The following MGMT variants were observed in gnomAD, a reference collection of about 807,000 sequenced individuals.
MGMT encodes methylated-DNA--protein-cysteine methyltransferase.
In MGMT, 14 loss-of-function variants were observed where a neutral mutation model predicts 15.9. That is an observed-to-expected ratio of 0.88 (90% CI 0.58 to 1.37). The LOEUF is 1.37. MGMT is among the 40% of genes most tolerant of loss of function. The pLI, the probability that MGMT is intolerant of heterozygous loss-of-function variation, is 0.00. For missense variants in MGMT, 282 were observed against 268.1 expected (o/e 1.05, Z -0.36); for synonymous variants, 130 against 118.2 (o/e 1.10, Z -0.65).
intron 3 of MGMT, among the ~76,000 whole-genome samples, chr10:129,728,180 G>A (rs1848454875): frequency 6.6e-6 from 1 of 152,214 alleles, no homozygotes. Context: ...TGAAGCAGCT[G>A]TGACCGTGGA....
At chr10:129,605,471 A>C (rs951153058) in intron 2 of MGMT, among the ~76,000 whole-genome samples, 2 of 152,130 alleles carry the variant, frequency 1.3e-5, no homozygotes, top group African/African-American at 2.4e-5. Flanking sequence ...GAGTTCACTT[A>C]TTCATATTGT....
intron 2 of MGMT, among the ~76,000 whole-genome samples, chr10:129,620,872 T>G (rs577426145): frequency 1.3e-5 from 2 of 152,372 alleles, no homozygotes; most frequent in East Asian, 3.9e-4. Context: ...ATTCCTGTTT[T>G]CCTAATTCCC....
chr10:129,615,056 G>A (rs1191275324), intron 2 of MGMT, among the ~76,000 whole-genome samples: 1 of 152,010 alleles, frequency 6.6e-6, no homozygotes, highest in Admixed American at 6.5e-5. Flanking sequence ...ATTTTGAGGG[G>A]TGGGGAGGTG....
At chr10:129,534,087 G>T (rs1845960620) in intron 1 of MGMT, among the ~76,000 whole-genome samples, 1 of 152,198 alleles carries the variant, frequency 6.6e-6, no homozygotes, top group Admixed American at 6.5e-5. Context: ...CCGACGTTGT[G>T]ATTTGGTCTG....
At chr10:129,508,551 TTTA>T (rs1256419243) in intron 1 of MGMT, among the ~76,000 whole-genome samples, 1 of 148,368 alleles carries the variant, frequency 6.7e-6, no homozygotes, top group African/African-American at 2.6e-5. Flanking sequence ...TGTTTGTTTT[TTTA>T]TTTCTTTTGA....
intron 3 of MGMT, among the ~76,000 whole-genome samples, chr10:129,758,710 G>A (rs1449413134): frequency 6.6e-6 from 1 of 152,208 alleles, no homozygotes; most frequent in East Asian, 1.9e-4. Flanking sequence ...CAGTAGCTGG[G>A]GGAATCCTGC....
In MGMT at chr10:129,756,695, C is replaced by A. The variant is rs188301435; in HGVS notation, c.275-2507C>A. 2.5e-3 allele frequency among the ~76,000 whole-genome samples: 377 copies of A among 152,272 alleles called. 8 individuals are homozygous for A. The East Asian group carries it at 0.06, about 24-fold the overall frequency. ...ATATTGGCTAGGATGGTCTTGAACT[C>A]CTGACCTCGTGATCCGCCCGCCTCG... On this transcript the variant is annotated intron_variant, in intron 3 of 4. Coordinates refer to ENST00000651593, the MANE Select transcript of MGMT (RefSeq NM_002412.5).
intron 2 of MGMT, among the ~76,000 whole-genome samples, chr10:129,664,981 C>CG (rs1405449878): frequency 1.2e-4 from 18 of 152,164 alleles, no homozygotes; most frequent in African/African-American, 2.9e-4. Flanking sequence ...GAGTCCATTG[C>CG]GGGGGAAAAT....
intron 2 of MGMT, among the ~76,000 whole-genome samples, chr10:129,639,190 A>G (rs1337951074): frequency 3.3e-5 from 5 of 152,164 alleles, no homozygotes; most frequent in Non-Finnish European, 7.4e-5. Context: ...TTGTTTGTTT[A>G]AGAGAAAAAA....
At chr10:129,486,162 G>A (rs1418613731) in intron 1 of MGMT, among the ~76,000 whole-genome samples, 1 of 144,624 alleles carries the variant, frequency 6.9e-6, no homozygotes. Context: ...GTTCTTCTCT[G>A]TTCTCTTCTC....
At position 129,770,512 on chromosome 10, in the gene MGMT, G is replaced by A. The variant is rs1263869098; in HGVS notation, c.*3515G>A. ...CATCTGCCGCTTGCTCACCTTGGCT[G>A]TCCATGCACCCGTAGCTGTGACCAT... is the stretch of plus-strand genomic sequence containing the variant. On this transcript the variant is annotated 3_prime_UTR_variant, in exon 5 of 5. Transcript: ENST00000651593. Among the ~76,000 whole-genome samples the A allele has an allele frequency of 6.6e-6, 1 of 152,240 alleles. No homozygotes were observed. Among genetic ancestry groups the A allele is most frequent in the African/African-American group, 2.4e-5 (1 of 41,466 alleles).
rs190363365 is a variant in MGMT at position 129,545,763 on chromosome 10, A to C, written c.125+9386A>C. The stretch of plus-strand genomic sequence containing the variant: ...ATATCTGTAAGATTTTCTGATATTT[A>C]AACTGGCTGCAACTAATGAATAGTT... On this transcript the variant is annotated intron_variant, in intron 2 of 4. Coordinates refer to ENST00000651593, the MANE Select transcript of MGMT (RefSeq NM_002412.5). Among the ~76,000 whole-genome samples the C allele has an allele frequency of 4.1e-3, 626 of 152,322 alleles. 6 individuals carry two copies. Among genetic ancestry groups the C allele is most frequent in the African/African-American group, 0.015 (607 of 41,576 alleles).
At chr10:129,698,631 A>G (rs1402830983) in intron 2 of MGMT, among the ~76,000 whole-genome samples, 1 of 152,220 alleles carries the variant, frequency 6.6e-6, no homozygotes, top group Admixed American at 6.5e-5. Flanking sequence ...CAACACAGAC[A>G]TAAGGCTATT....
chr10:129,619,138 T>G (rs1383519310), intron 2 of MGMT, among the ~76,000 whole-genome samples: 2 of 152,184 alleles, frequency 1.3e-5, no homozygotes, highest in African/African-American at 4.8e-5. Flanking sequence ...GAAGTTCTAT[T>G]CTTGTAGGCT....
chr10:129,630,791 A>C (rs954229892), intron 2 of MGMT, among the ~76,000 whole-genome samples: 2 of 152,260 alleles, frequency 1.3e-5, no homozygotes, highest in Admixed American at 6.5e-5. Flanking sequence ...TGCCATGAGA[A>C]GGTAAAGCCA....
At chr10:129,740,587 T>G (rs982006537) in intron 3 of MGMT, among the ~76,000 whole-genome samples, 2 of 152,180 alleles carry the variant, frequency 1.3e-5, no homozygotes, top group African/African-American at 4.8e-5. Context: ...GGGAACCTCA[T>G]TTTACCAGGA....
At chr10:129,598,082 T>C (rs997445470) in intron 2 of MGMT, among the ~76,000 whole-genome samples, 1 of 152,112 alleles carries the variant, frequency 6.6e-6, no homozygotes, top group Non-Finnish European at 1.5e-5. Context: ...ACGTATTCAA[T>C]GTTTAGTGTG....
intron 1 of MGMT, among the ~76,000 whole-genome samples, chr10:129,520,887 G>T (rs1401026225): frequency 6.7e-6 from 1 of 150,288 alleles, no homozygotes; most frequent in Non-Finnish European, 1.5e-5. Flanking sequence ...TACAGTGCGG[G>T]TGCAGAGCCC....
chr10:129,555,983 C>T (rs1041263780), intron 2 of MGMT, among the ~76,000 whole-genome samples: 5 of 152,162 alleles, frequency 3.3e-5, no homozygotes, highest in African/African-American at 9.7e-5. Flanking sequence ...AAACGGGGCA[C>T]CCTCCAGGGA....
Sources: gnomAD v4.1 joint callset for allele counts (sites outside exome capture counted in the v4.1 genomes callset) on GRCh38, gnomAD v4.1.1 for gene constraint, MANE v1.5 for transcripts, NCBI Gene and HGNC (gene_info 2026-07-23, HGNC 2026-07-21) for gene names.